Variants in TLK1 observed in about 807,000 individuals in gnomAD.
TLK1 encodes the protein serine/threonine-protein kinase tousled-like 1.
A neutral mutation model predicts 105.3 loss-of-function variants in TLK1; 24 were observed. That is an observed-to-expected ratio of 0.23 (90% CI 0.17 to 0.32). The LOEUF (loss-of-function observed/expected upper bound fraction) is 0.32. Ranked by LOEUF, TLK1 falls within the 10% of genes least tolerant of loss-of-function variation. The probability of loss-of-function intolerance (pLI) is 1.00; values close to 1 mark genes in which losing one functional copy is unlikely to be tolerated. For synonymous variants in TLK1, 321 were observed against 310.4 expected (o/e 1.03, Z -0.36); for missense variants, 558 against 910.5 (o/e 0.61, Z 4.98).
At chr2:171,167,237 T>C (rs1207321394) in intron 1 of TLK1, among the ~76,000 whole-genome samples, 2 of 152,236 alleles carry the variant, frequency 1.3e-5, no homozygotes. Flanking sequence ...ATGTATGAAT[T>C]ATTACATTAC....
At chr2:171,029,837 C>T (rs1438365838) in intron 11 of TLK1, among the ~76,000 whole-genome samples, 1 of 152,114 alleles carries the variant, frequency 6.6e-6, no homozygotes, top group Admixed American at 6.5e-5. Context: ...CCTCCACCTC[C>T]CAAATTCAAG....
chr2:171,083,353 C>A (rs1395669664), intron 2 of TLK1, among the ~76,000 whole-genome samples: 3 of 152,148 alleles, frequency 2.0e-5, no homozygotes, highest in African/African-American at 7.2e-5. Context: ...TCTTCAAAAA[C>A]ATCTTTGACC....
At chr2:171,078,642 C>G (rs764871678) in intron 3 of TLK1, among the ~76,000 whole-genome samples, 1 of 152,164 alleles carries the variant, frequency 6.6e-6, no homozygotes, top group Non-Finnish European at 1.5e-5. Flanking sequence ...TCGCACAGAA[C>G]AGTTTGAGAA....
intron 3 of TLK1, among the ~76,000 whole-genome samples, chr2:171,081,980 T>C (rs1688774796): frequency 6.7e-6 from 1 of 149,560 alleles, no homozygotes; most frequent in African/African-American, 2.5e-5. Flanking sequence ...ACTAATCAAG[T>C]AGAAAAAAGA....
intron 3 of TLK1, among the ~76,000 whole-genome samples, chr2:171,080,658 T>C (rs1688709395): frequency 6.6e-6 from 1 of 151,474 alleles, no homozygotes; most frequent in African/African-American, 2.4e-5. Context: ...ACCATTAATT[T>C]GTAAAACTCC....
chr2:171,159,172 C>G (rs537585074), intron 1 of TLK1, among the ~76,000 whole-genome samples: 5 of 152,340 alleles, frequency 3.3e-5, no homozygotes, highest in Admixed American at 1.3e-4. Flanking sequence ...TTCTTTAAAA[C>G]ATTCACTAGA....
At chr2:171,102,339 C>G (rs1689726240) in intron 2 of TLK1, among the ~76,000 whole-genome samples, 1 of 152,006 alleles carries the variant, frequency 6.6e-6, no homozygotes, top group Non-Finnish European at 1.5e-5. Flanking sequence ...GTTGCCTTAC[C>G]TTAAATATAA....
In TLK1 at chr2:171,058,213, C is replaced by A; in HGVS notation, c.407-16G>T. On this transcript the variant is annotated splice_polypyrimidine_tract_variant and intron_variant, in intron 4 of 20. Coordinates refer to ENST00000431350, the MANE Select transcript of TLK1 (RefSeq NM_012290.5). ...ATACTTTTTCCTAAAATATAAGAAG[C>A]GCATGATGTTAGTAGGGTAGTGATG... 6.2e-7 allele frequency: 1 copy of A among 1,612,946 alleles called. No individual in the cohort carries two copies. Among genetic ancestry groups the A allele is most frequent in the South Asian group, 1.1e-5 (1 of 91,020 alleles).
chr2:171,201,898 C>T (rs1024213348), intron 1 of TLK1, among the ~76,000 whole-genome samples: 2 of 148,178 alleles, frequency 1.3e-5, no homozygotes, highest in African/African-American at 5.0e-5. Context: ...TATCAGCTAT[C>T]ATCTATCTAT....
intron 1 of TLK1, among the ~76,000 whole-genome samples, chr2:171,139,906 G>C (rs1392815637): frequency 1.3e-5 from 2 of 152,156 alleles, no homozygotes; most frequent in African/African-American, 2.4e-5. Context: ...CTCATAAGGA[G>C]CAAGCGACCT....
chr2:171,118,192 T>C (rs1043398595), intron 1 of TLK1, among the ~76,000 whole-genome samples: 1 of 152,182 alleles, frequency 6.6e-6, no homozygotes, highest in Non-Finnish European at 1.5e-5. Flanking sequence ...CAACATCTAT[T>C]TTCTAGCCTA....
At chr2:171,132,929 ATTTC>A (rs1175314901) in intron 1 of TLK1, among the ~76,000 whole-genome samples, 21 of 152,214 alleles carry the variant, frequency 1.4e-4, no homozygotes, top group African/African-American at 3.4e-4. Context: ...CTCAGCAACG[ATTTC>A]TTTATTTGTA....
intron 11 of TLK1, among the ~76,000 whole-genome samples, chr2:171,032,311 T>A (rs1339015536): frequency 6.6e-6 from 1 of 152,094 alleles, no homozygotes; most frequent in African/African-American, 2.4e-5. Context: ...TATCTATATT[T>A]GCAGATGACA....
chr2:171,084,522 C>T (rs532138367), intron 2 of TLK1, among the ~76,000 whole-genome samples: 1 of 152,260 alleles, frequency 6.6e-6, no homozygotes, highest in African/African-American at 2.4e-5. Flanking sequence ...CTAAAAACAG[C>T]AGTAGAGAAA....
At chr2:171,214,895 C>G (rs530154417) in intron 1 of TLK1, among the ~76,000 whole-genome samples, 16 of 152,204 alleles carry the variant, frequency 1.1e-4, no homozygotes, top group Non-Finnish European at 2.2e-4. Flanking sequence ...GGCCTTGATT[C>G]AGCAACTGAA....
chr2:171,160,267 G>A lies in TLK1; in HGVS notation c.139+23C>T, dbSNP rs1020744959. On this transcript the variant is annotated intron_variant, in intron 1 of 20. Coordinates refer to ENST00000431350, the MANE Select transcript of TLK1 (RefSeq NM_012290.5). This position sits in a 1 kb window ranked among gnomAD's most constrained non-coding sequence, Gnocchi z 4.4. ...GCGCGGGAGAGGAGGCCCGCGAGCG[G>A]GCGCGGGCGCGGCGGTGCTTACCTT... 1.3e-6 allele frequency: 2 copies of A among 1,503,894 alleles called. No homozygotes were observed. The highest frequency in any genetic ancestry group is 1.8e-6 in the Non-Finnish European group (2 of 1,131,854). The allele number at this position is 1,503,894 out of a possible 1,614,324, so 93.2% of individuals were successfully genotyped here.
chr2:171,164,222 CTTT>C (rs1407122985), upstream of TLK1, among the ~76,000 whole-genome samples: 1 of 152,170 alleles, frequency 6.6e-6, no homozygotes, highest in Non-Finnish European at 1.5e-5. Context: ...AAAAAAAAGG[CTTT>C]TACTGGCAAT....
intron 1 of TLK1, among the ~76,000 whole-genome samples, chr2:171,180,094 CAAA>C (rs57360155): frequency 0.065 from 4,445 of 68,594 alleles, 223 homozygotes; most frequent in East Asian, 0.35. Flanking sequence ...GACTCTGTCT[CAAA>C]AAAAAAAAAA....
chr2:170,999,588 A>G (rs551969409), intron 18 of TLK1, among the ~76,000 whole-genome samples: 1 of 152,354 alleles, frequency 6.6e-6, no homozygotes, highest in Non-Finnish European at 1.5e-5. Flanking sequence ...ACAAAACTAA[A>G]TATTTTAAGT....
Sources: allele counts gnomAD v4.1 joint callset (sites outside exome capture counted in the v4.1 genomes callset), GRCh38; gene constraint gnomAD v4.1.1; non-coding constraint Gnocchi (gnomAD v3.1); transcripts MANE v1.5; gene names NCBI Gene and HGNC (gene_info 2026-07-23, HGNC 2026-07-21).